Variants in EVA1C observed in about 807,000 individuals in gnomAD.
EVA1C encodes eva-1 homolog C.
A neutral mutation model predicts 45.4 loss-of-function variants in EVA1C; 25 were observed. The ratio of observed to expected loss-of-function variants is 0.55; its 90% CI spans 0.40 to 0.77. The LOEUF is 0.77. EVA1C is among the 30% of genes least tolerant of loss of function. EVA1C has a pLI of 0.00. For missense variants in EVA1C, 479 were observed against 554.8 expected (o/e 0.86, Z 1.37); for synonymous variants, 190 against 221.2 (o/e 0.86, Z 1.25).
At chr21:32,473,842 C>A in intron 4 of EVA1C, 1 of 879,962 alleles carries the variant, frequency 1.1e-6, no homozygotes, top group Non-Finnish European at 1.4e-6. Flanking sequence ...GAGGTCAGAG[C>A]TGAACCTTCC....
chr21:32,478,098 G>A (rs1812230404), intron 4 of EVA1C, among the ~76,000 whole-genome samples: 1 of 150,056 alleles, frequency 6.7e-6, no homozygotes, highest in African/African-American at 2.5e-5. Context: ...GGACCCTTTT[G>A]AAGGCTGTTA....
At chr21:32,451,020 C>T (rs988241795) in intron 1 of EVA1C, among the ~76,000 whole-genome samples, 2 of 152,120 alleles carry the variant, frequency 1.3e-5, no homozygotes, top group African/African-American at 4.8e-5. Flanking sequence ...GATGAACGTG[C>T]CAGGAAATGT....
intron 7 of EVA1C, among the ~76,000 whole-genome samples, chr21:32,509,231 A>G (rs547204753): frequency 1.3e-5 from 2 of 152,344 alleles, no homozygotes; most frequent in African/African-American, 2.4e-5. Flanking sequence ...GTGAGTTTGT[A>G]TCTTCAAACT....
At position 32,495,182 on chromosome 21, in the gene EVA1C, C is replaced by G. The variant is rs750893143; in HGVS notation, c.778+12C>G. 3 of 1,612,460 alleles carry G rather than the reference C, an allele frequency of 1.9e-6. No homozygotes were observed. Among genetic ancestry groups the G allele is most frequent in the Middle Eastern group, 1.7e-4 (1 of 5,890 alleles). ...GACCTACGCATGTGGTAAGAACACACCCCCGACCAGCTGCCTGATGACACT... is the reference window on the plus strand; with the variant it reads ...GACCTACGCATGTGGTAAGAACACAGCCCCGACCAGCTGCCTGATGACACT... On this transcript the variant is annotated intron_variant, in intron 5 of 7. Transcript: ENST00000300255.
chr21:32,469,762 T>G (rs1476741106), intron 4 of EVA1C, among the ~76,000 whole-genome samples: 1 of 152,184 alleles, frequency 6.6e-6, no homozygotes, highest in African/African-American at 2.4e-5. Context: ...TGTTGCAGCC[T>G]TGAGGAAGAT....
intron 1 of EVA1C, among the ~76,000 whole-genome samples, chr21:32,448,699 G>A (rs2035452968): frequency 6.6e-6 from 1 of 152,056 alleles, no homozygotes; most frequent in African/African-American, 2.4e-5. Context: ...ACGAGGTCAG[G>A]AGTTTGAGAC....
chr21:32,498,239 G>A, intron 5 of EVA1C, among the ~76,000 whole-genome samples: 1 of 152,186 alleles, frequency 6.6e-6, no homozygotes, highest in East Asian at 1.9e-4. Flanking sequence ...CTGAGGTCAA[G>A]AGTTCGAGAC....
intron 4 of EVA1C, among the ~76,000 whole-genome samples, chr21:32,490,868 G>A (rs1356067725): frequency 6.6e-6 from 1 of 152,218 alleles, no homozygotes; most frequent in East Asian, 1.9e-4. Context: ...AAGGCACCAG[G>A]AGTAGGCTCC....
intron 1 of EVA1C, among the ~76,000 whole-genome samples, chr21:32,436,014 G>A (rs567117890): frequency 6.6e-6 from 1 of 152,366 alleles, no homozygotes. Flanking sequence ...CAGAAACAGT[G>A]AGACGTTGCA....
chr21:32,481,168 C>T (rs2036771089), intron 4 of EVA1C, among the ~76,000 whole-genome samples: 1 of 151,898 alleles, frequency 6.6e-6, no homozygotes, highest in South Asian at 2.1e-4. Context: ...TACTTTGTAA[C>T]AGGAAAAAAC....
chr21:32,436,522 A>G (rs1425875179), intron 1 of EVA1C, among the ~76,000 whole-genome samples: 2 of 152,296 alleles, frequency 1.3e-5, no homozygotes, highest in African/African-American at 2.4e-5. Context: ...GTGGTTGGCT[A>G]CTACAGGGAA....
In EVA1C at chr21:32,467,713, AC is replaced by A; in HGVS notation, c.501del (p.Val168CysfsTer7). ...KCQPNELKNKTVCEDQELKLH... is the reference protein window; with the variant it reads ...KCQPNELKNKXVCEDQELKLH... ...TGCTTCAGATGAATTAAAAAACAAA[AC>A]CGTGTGTGAAGACCAGGAGCTGAAA... On this transcript the variant is annotated frameshift_variant, in exon 4 of 8. Coordinates refer to ENST00000300255, the MANE Select transcript of EVA1C (RefSeq NM_058187.5). LOFTEE classifies it high-confidence loss of function. 1 of 1,606,030 alleles carries A rather than the reference AC, an allele frequency of 6.2e-7. No individual in the cohort carries two copies. Among genetic ancestry groups the A allele is most frequent in the Non-Finnish European group, 8.5e-7 (1 of 1,177,230 alleles).
chr21:32,460,756 C>T (rs1601327086), intron 3 of EVA1C, among the ~76,000 whole-genome samples: 1 of 149,768 alleles, frequency 6.7e-6, no homozygotes, highest in African/African-American at 2.5e-5. Flanking sequence ...ACAGAAGAAT[C>T]TTTTTTTTGG....
chr21:32,512,967 C>T (rs566592207), intron 7 of EVA1C, among the ~76,000 whole-genome samples: 8 of 151,054 alleles, frequency 5.3e-5, no homozygotes, highest in Admixed American at 2.0e-4. Flanking sequence ...ATATTACTTA[C>T]AGTATACAGG....
intron 1 of EVA1C, among the ~76,000 whole-genome samples, chr21:32,415,864 C>A (rs1000531379): frequency 1.3e-5 from 2 of 152,230 alleles, no homozygotes; most frequent in African/African-American, 4.8e-5. Flanking sequence ...TCCTTAATCT[C>A]ATACTCAAAT....
chr21:32,477,322 G>C lies in EVA1C; in HGVS notation c.634+9474G>C, dbSNP rs77753480. Reference sequence around the variant, plus strand: ...GATCCCAAAGCCACCCCCACAGTTTGAGGATTTCATTACCCCGGCAACCCA... The same window carrying C: ...GATCCCAAAGCCACCCCCACAGTTTCAGGATTTCATTACCCCGGCAACCCA... On this transcript the variant is annotated intron_variant, in intron 4 of 7. Transcript: ENST00000300255. Among the ~76,000 whole-genome samples, 3 of 152,256 alleles carry C rather than the reference G, an allele frequency of 2.0e-5. No individual in the cohort carries two copies. In the East Asian group the frequency reaches 5.8e-4, roughly 29 times the overall value.
chr21:32,495,313 A>G, intron 5 of EVA1C, 143 bp downstream of exon 5: 2 of 733,042 alleles, frequency 2.7e-6, no homozygotes, highest in Non-Finnish European at 4.2e-6. Context: ...GATACCCGAG[A>G]GCCCTTTTTT....
At chr21:32,432,823 C>T (rs140729040) in intron 1 of EVA1C, among the ~76,000 whole-genome samples, 35 of 152,254 alleles carry the variant, frequency 2.3e-4, no homozygotes, top group East Asian at 1.2e-3. Context: ...TGGGCTCAAG[C>T]GATCCTCCTG....
At position 32,460,715 on chromosome 21, in the gene EVA1C, G is replaced by A. The variant is rs190082104; in HGVS notation, c.481+2995G>A. Among the ~76,000 whole-genome samples, 26 of 151,990 alleles carry A rather than the reference G, an allele frequency of 1.7e-4. 1 individual carries two copies. The highest frequency in any genetic ancestry group is 8.5e-4 in the Admixed American group (13 of 15,256). On this transcript the variant is annotated intron_variant, in intron 3 of 7. Coordinates refer to ENST00000300255, the MANE Select transcript of EVA1C (RefSeq NM_058187.5). ...ATTCCAGGTAGGGTCAGGGCTTCAT[G>A]GAGAGGCACTTGGTACTACGCAAGC...
Sources: allele counts gnomAD v4.1 joint callset (sites outside exome capture counted in the v4.1 genomes callset), GRCh38; gene constraint gnomAD v4.1.1; transcripts MANE v1.5; gene names NCBI Gene and HGNC (gene_info 2026-07-23, HGNC 2026-07-21).